The following DNAJC13 variants were observed in gnomAD, a reference collection of about 807,000 sequenced individuals.
The protein encoded by DNAJC13 is DnaJ heat shock protein family (Hsp40) member C13, also known as dnaJ homolog subfamily C member 13.
Under a neutral mutation model 290.5 loss-of-function variants are expected in DNAJC13, and 75 were observed. The observed-to-expected ratio is 0.26, with a 90% CI of 0.21 to 0.31. The LOEUF (loss-of-function observed/expected upper bound fraction) is 0.31. Among genes scored for constraint, DNAJC13 ranks in the 10% least tolerant of loss-of-function variants. The probability of loss-of-function intolerance (pLI) is 1.00; values close to 1 mark genes in which losing one functional copy is unlikely to be tolerated. For synonymous variants in DNAJC13, 862 were observed against 892.0 expected (o/e 0.97, Z 0.60); for missense variants, 2,260 against 2,674.5 (o/e 0.85, Z 3.42).
At chr3:132,532,798 T>C (rs1185535653) in intron 55 of DNAJC13, among the ~76,000 whole-genome samples, 1 of 151,614 alleles carries the variant, frequency 6.6e-6, no homozygotes, top group East Asian at 1.9e-4. Context: ...AGTGCAGTGG[T>C]GCGACCTCAG....
chr3:132,510,280 CTG>C (rs1481923531), intron 43 of DNAJC13, among the ~76,000 whole-genome samples: 5 of 152,124 alleles, frequency 3.3e-5, no homozygotes, highest in Non-Finnish European at 7.4e-5. Context: ...TAGAAGATGA[CTG>C]GAGTCACATC....
At chr3:132,532,758 G>GAGAC (rs1491169536) in intron 55 of DNAJC13, among the ~76,000 whole-genome samples, 5 of 150,356 alleles carry the variant, frequency 3.3e-5, no homozygotes, top group African/African-American at 7.4e-5. Context: ...TTATTTTTTT[G>GAGAC]AGACAGTCTT....
intron 12 of DNAJC13, 39 bp downstream of exon 12, chr3:132,456,871 T>C (rs147067551): frequency 5.6e-6 from 9 of 1,600,670 alleles, no homozygotes; most frequent in African/African-American, 1.3e-5. Context: ...CTTAGAGAAT[T>C]TGAACTACTC....
chr3:132,448,448 C>T (rs906248347), intron 5 of DNAJC13, among the ~76,000 whole-genome samples: 4 of 152,088 alleles, frequency 2.6e-5, no homozygotes, highest in Non-Finnish European at 5.9e-5. Context: ...ATATCAGAGT[C>T]GTCTTAACTT....
chr3:132,525,269 GGC>G (rs1488446714), intron 51 of DNAJC13, among the ~76,000 whole-genome samples: 1 of 152,164 alleles, frequency 6.6e-6, no homozygotes, highest in Non-Finnish European at 1.5e-5. Flanking sequence ...GAACCTGGGA[GGC>G]AGAGGTTGTG....
chr3:132,460,919 T>C, intron 14 of DNAJC13, 131 bp from the exon 15 acceptor site: 2 of 847,658 alleles, frequency 2.4e-6, no homozygotes, highest in East Asian at 2.7e-5. Flanking sequence ...ACTTTGAACC[T>C]CATGTTGAGA....
At position 132,453,579 on chromosome 3, in the gene DNAJC13, C is replaced by A; in HGVS notation, c.745-20C>A. On this transcript the variant is annotated intron_variant, in intron 7 of 55. Transcript: ENST00000260818. ...TTTAAAAAATAACTTCTTAATATGT[C>A]TCAATTTTATTTTTTGAAGGAGCCT... The A allele has an allele frequency of 6.2e-7, 1 of 1,606,716 alleles. No homozygotes were observed.
At position 132,488,608 on chromosome 3, in the gene DNAJC13, TG is replaced by T. The variant is rs1934962347; in HGVS notation, c.3422+161del. On this transcript the variant is annotated intron_variant, in intron 30 of 55. Coordinates refer to ENST00000260818, the MANE Select transcript of DNAJC13 (RefSeq NM_015268.4). The stretch of plus-strand genomic sequence containing the variant: ...TCTAAAGAGTTGGAAAGCAGAAGAA[TG>T]GGGGAAAATTACTCAGAATTGTACC... 3.9e-5 allele frequency among the ~76,000 whole-genome samples: 6 copies of T among 152,248 alleles called. No individual in the cohort carries two copies. In the South Asian group the frequency reaches 8.3e-4, roughly 21 times the overall value.
intron 35 of DNAJC13, 58 bp downstream of exon 35, chr3:132,495,224 G>A: frequency 7.2e-7 from 1 of 1,383,714 alleles, no homozygotes; most frequent in Non-Finnish European, 1.0e-6. Flanking sequence ...TTATTATGTA[G>A]TTGGAGAAAA....
intron 55 of DNAJC13, among the ~76,000 whole-genome samples, chr3:132,532,379 T>C (rs1361135118): frequency 6.6e-6 from 1 of 152,212 alleles, no homozygotes; most frequent in Non-Finnish European, 1.5e-5. Context: ...ACCACTTTAA[T>C]ATTGACACTC....
At position 132,487,559 on chromosome 3, in the gene DNAJC13, A is replaced by ATTTTTTT. The variant is rs10663131; in HGVS notation, c.3268-725_3268-719dup. Among the ~76,000 whole-genome samples, 289 of 110,424 alleles carry ATTTTTTT rather than the reference A, an allele frequency of 2.6e-3. 41 individuals carry two copies. The highest frequency in any genetic ancestry group is 0.011 in the African/African-American group (208 of 18,776). The allele number at this position is 110,424 out of a possible 152,430, so 72.4% of individuals were successfully genotyped here. ...GCGTGAGCCACCATGCCTGGCTGTAATTTTTTTTTTTTTTTTTTTTACTGG... is the reference window on the plus strand; with the variant it reads ...GCGTGAGCCACCATGCCTGGCTGTAATTTTTTTTTTTTTTTTTTTTTTTTTTTACTGG... On this transcript the variant is annotated intron_variant, in intron 29 of 55. Coordinates refer to ENST00000260818, the MANE Select transcript of DNAJC13 (RefSeq NM_015268.4).
At chr3:132,441,789 G>A (rs957943754) in intron 2 of DNAJC13, among the ~76,000 whole-genome samples, 3 of 152,076 alleles carry the variant, frequency 2.0e-5, no homozygotes, top group Admixed American at 6.6e-5. Context: ...TTAAATATTC[G>A]AGTCAGAAAT....
In DNAJC13 at chr3:132,446,467, C is replaced by A. The variant is rs767879918; in HGVS notation, c.69-8C>A. The A allele has an allele frequency of 2.5e-6, 4 of 1,593,132 alleles. No individual in the cohort carries two copies. In the South Asian group the frequency reaches 4.6e-5, roughly 18 times the overall value. The stretch of plus-strand genomic sequence containing the variant: ...AAACTAAATTTAAGCACTTGTTTTC[C>A]TTTGTAGGTATAAGCGTGTCTTTTC... On this transcript the variant is annotated splice_region_variant and splice_polypyrimidine_tract_variant and intron_variant, in intron 2 of 55. Coordinates refer to ENST00000260818, the MANE Select transcript of DNAJC13 (RefSeq NM_015268.4).
chr3:132,507,405 A>T (rs758829918), intron 43 of DNAJC13, 52 bp downstream of exon 43: 8 of 1,058,518 alleles, frequency 7.6e-6, no homozygotes, highest in Non-Finnish European at 1.0e-5. Context: ...TTTGTTACTG[A>T]AAGTTACTAG....
chr3:132,489,285 A>T (rs1051954977), intron 31 of DNAJC13, among the ~76,000 whole-genome samples: 4 of 152,144 alleles, frequency 2.6e-5, no homozygotes, highest in African/African-American at 9.7e-5. Context: ...CATGAATATA[A>T]GTTGTTCTCT....
intron 51 of DNAJC13, 102 bp from the exon 52 acceptor site, chr3:132,525,508 G>A (rs1936226988): frequency 8.3e-7 from 1 of 1,203,522 alleles, no homozygotes; most frequent in Admixed American, 2.3e-5. Flanking sequence ...TCAGCACTTA[G>A]AACTTTTGAA....
chr3:132,451,882 G>A (rs1933427060), intron 6 of DNAJC13, among the ~76,000 whole-genome samples: 1 of 152,126 alleles, frequency 6.6e-6, no homozygotes, highest in African/African-American at 2.4e-5. Flanking sequence ...TTCCATCTTA[G>A]ATTTTACTCT....
chr3:132,454,344 CAG>C (rs1429318831), intron 9 of DNAJC13, among the ~76,000 whole-genome samples, 187 bp downstream of exon 9: 2 of 99,830 alleles, frequency 2.0e-5, no homozygotes, highest in Admixed American at 2.9e-4. Flanking sequence ...TTTTTTGAGA[CAG>C]AGTCTCACTG....
chr3:132,455,883 T>C (rs1318587227), intron 9 of DNAJC13, among the ~76,000 whole-genome samples: 2 of 152,200 alleles, frequency 1.3e-5, no homozygotes, highest in Admixed American at 1.3e-4. Flanking sequence ...ATATCAGAAC[T>C]GATGATGATT....
Sources: gnomAD v4.1 joint callset for allele counts (sites outside exome capture counted in the v4.1 genomes callset) on GRCh38, gnomAD v4.1.1 for gene constraint, MANE v1.5 for transcripts, NCBI Gene and HGNC (gene_info 2026-07-23, HGNC 2026-07-21) for gene names.